The following GPC5 variants were observed in gnomAD, a reference collection of about 807,000 sequenced individuals.
GPC5 encodes glypican 5.
A neutral mutation model predicts 53.9 loss-of-function variants in GPC5; 47 were observed. The observed-to-expected ratio is 0.87, with a 90% CI of 0.69 to 1.11. GPC5 has a LOEUF of 1.11. Among genes scored for constraint, GPC5 ranks in the 50% most tolerant of loss-of-function variants. The probability of loss-of-function intolerance (pLI) is 0.00; values close to 1 mark genes in which losing one functional copy is unlikely to be tolerated. For synonymous variants in GPC5, 286 were observed against 263.3 expected (o/e 1.09, Z -0.84); for missense variants, 748 against 713.1 (o/e 1.05, Z -0.56).
chr13:91,543,370 A>G (rs1157443482), intron 2 of GPC5, among the ~76,000 whole-genome samples: 1 of 152,204 alleles, frequency 6.6e-6, no homozygotes, highest in Non-Finnish European at 1.5e-5. Flanking sequence ...CTTTAAAAAG[A>G]TAAATTCCTA....
intron 5 of GPC5, among the ~76,000 whole-genome samples, chr13:91,850,646 G>T (rs761433353): frequency 1.3e-5 from 2 of 151,726 alleles, no homozygotes; most frequent in African/African-American, 4.8e-5. Flanking sequence ...ATAGAATTAG[G>T]TCCTCTTCCT....
intron 4 of GPC5, among the ~76,000 whole-genome samples, chr13:91,750,564 G>T (rs190778710): frequency 1.3e-5 from 2 of 151,752 alleles, no homozygotes; most frequent in Admixed American, 1.3e-4. Flanking sequence ...AATATTTCAC[G>T]TAAAACTGGA....
At chr13:92,338,450 A>G (rs1212415914) in intron 7 of GPC5, among the ~76,000 whole-genome samples, 2 of 152,244 alleles carry the variant, frequency 1.3e-5, no homozygotes, top group East Asian at 3.9e-4. Context: ...AAACTGGCAC[A>G]TGGATATTTA....
intron 7 of GPC5, among the ~76,000 whole-genome samples, chr13:92,325,349 T>C (rs747558192): frequency 1.3e-5 from 2 of 151,948 alleles, no homozygotes; most frequent in Non-Finnish European, 2.9e-5. Flanking sequence ...ATCATGGAGA[T>C]TGTAATATCA....
At chr13:91,694,983 C>A (rs1445873831) in intron 3 of GPC5, among the ~76,000 whole-genome samples, 1 of 152,184 alleles carries the variant, frequency 6.6e-6, no homozygotes, top group Non-Finnish European at 1.5e-5. Context: ...AGCTTTATGT[C>A]CAAACGCGTT....
At chr13:91,714,886 A>G (rs1162315139) in intron 3 of GPC5, among the ~76,000 whole-genome samples, 1 of 152,224 alleles carries the variant, frequency 6.6e-6, no homozygotes, top group African/African-American at 2.4e-5. Flanking sequence ...TTGTTGAAGC[A>G]GCAGTGTTCC....
At chr13:92,651,462 A>G (rs1173392227) in intron 7 of GPC5, among the ~76,000 whole-genome samples, 2 of 152,164 alleles carry the variant, frequency 1.3e-5, no homozygotes, top group African/African-American at 2.4e-5. Flanking sequence ...GGGGCATTCT[A>G]CAAAATACCT....
chr13:92,682,099 T>G (rs1887128377), intron 7 of GPC5, among the ~76,000 whole-genome samples: 1 of 152,232 alleles, frequency 6.6e-6, no homozygotes, highest in Non-Finnish European at 1.5e-5. Flanking sequence ...AGTGAATTAA[T>G]GAATGATGAG....
rs541074722 is a variant in GPC5, at chr13:92,257,799, C to G, written c.1561+112810C>G. On this transcript the variant is annotated intron_variant, in intron 7 of 7. Transcript: ENST00000377067. The stretch of plus-strand genomic sequence containing the variant: ...TCTCCTGACCTCGTGATCCGCCTGC[C>G]TCAGCCTCCCAAAGTGCTGGGATTA... Among the ~76,000 whole-genome samples, 21 of 152,042 alleles carry G rather than the reference C, an allele frequency of 1.4e-4. 1 individual carries two copies. The Middle Eastern group carries it at 0.014, about 99-fold the overall frequency.
chr13:92,695,953 G>T (rs749085367), intron 7 of GPC5, among the ~76,000 whole-genome samples: 9 of 152,064 alleles, frequency 5.9e-5, no homozygotes, highest in Non-Finnish European at 1.0e-4. Context: ...GCTGTGTTTG[G>T]TTTTTTGTTC....
intron 1 of GPC5, among the ~76,000 whole-genome samples, chr13:91,438,584 T>C (rs1260565835): frequency 6.6e-6 from 1 of 152,136 alleles, no homozygotes; most frequent in Admixed American, 6.6e-5. Context: ...GGGTGGTGCC[T>C]CCCAGTTAGG....
At chr13:92,193,804 GC>G (rs1476020255) in intron 7 of GPC5, among the ~76,000 whole-genome samples, 2 of 152,110 alleles carry the variant, frequency 1.3e-5, no homozygotes, top group African/African-American at 2.4e-5. Flanking sequence ...CTTTCAAGAG[GC>G]TTTTATTGGC....
intron 7 of GPC5, among the ~76,000 whole-genome samples, chr13:92,409,073 C>T (rs1169691079): frequency 1.3e-5 from 2 of 151,854 alleles, no homozygotes; most frequent in East Asian, 1.9e-4. Flanking sequence ...TTTCCTTATA[C>T]TACACACATT....
chr13:91,781,418 A>G (rs2037797529), intron 5 of GPC5, among the ~76,000 whole-genome samples: 1 of 152,230 alleles, frequency 6.6e-6, no homozygotes, highest in African/African-American at 2.4e-5. Flanking sequence ...AATACTCACT[A>G]ACAAATCTAA....
intron 7 of GPC5, among the ~76,000 whole-genome samples, chr13:92,666,105 C>A (rs1433855569): frequency 6.6e-6 from 1 of 152,134 alleles, no homozygotes; most frequent in Non-Finnish European, 1.5e-5. Flanking sequence ...AAAATACCAA[C>A]CCAAAGCTTG....
chr13:92,369,100 A>G lies in GPC5; in HGVS notation c.1561+224111A>G, dbSNP rs904297142. ...AATCTCTATTCTCACAAAGATTTCAATTAGTAAAAAAGATATGACAGTTAA... is the reference window on the plus strand; with the variant it reads ...AATCTCTATTCTCACAAAGATTTCAGTTAGTAAAAAAGATATGACAGTTAA... On this transcript the variant is annotated intron_variant, in intron 7 of 7. Coordinates refer to ENST00000377067, the MANE Select transcript of GPC5 (RefSeq NM_004466.6). Among the ~76,000 whole-genome samples, 4 of 152,256 alleles carry G rather than the reference A, an allele frequency of 2.6e-5. No homozygotes were observed. In the South Asian group the frequency reaches 8.3e-4, roughly 31 times the overall value.
At chr13:91,467,093 C>T (rs556351200) in intron 2 of GPC5, among the ~76,000 whole-genome samples, 1 of 152,268 alleles carries the variant, frequency 6.6e-6, no homozygotes, top group African/African-American at 2.4e-5. Flanking sequence ...TCATCTAGAG[C>T]TAGGACTGGA....
At chr13:91,576,305 A>G (rs2032132334) in intron 2 of GPC5, among the ~76,000 whole-genome samples, 1 of 102,870 alleles carries the variant, frequency 9.7e-6, no homozygotes, top group Admixed American at 1.2e-4. Context: ...AGTTTAATTT[A>G]GCCAATACAC....
At chr13:91,796,033 GGATGGTGGCCAGCCACTCCCAA>G (rs1421967016) in intron 5 of GPC5, among the ~76,000 whole-genome samples, 1 of 152,120 alleles carries the variant, frequency 6.6e-6, no homozygotes, top group Non-Finnish European at 1.5e-5. Context: ...GCTACTCCCA[GGATGGTGGCCAGCCACTCCCAA>G]GATGGTGGCA....
Sources: allele counts gnomAD v4.1 joint callset (sites outside exome capture counted in the v4.1 genomes callset), GRCh38; gene constraint gnomAD v4.1.1; transcripts MANE v1.5; gene names NCBI Gene and HGNC (gene_info 2026-07-23, HGNC 2026-07-21).